Variants in ARHGAP28 observed in about 807,000 individuals in gnomAD.
ARHGAP28 encodes Rho GTPase activating protein 28.
In ARHGAP28, 56 loss-of-function variants were observed where a neutral mutation model predicts 90.7. That is an observed-to-expected ratio of 0.62 (90% CI 0.50 to 0.77). ARHGAP28 has a LOEUF of 0.77. Ranked by LOEUF, ARHGAP28 falls within the 30% of genes least tolerant of loss-of-function variation. The pLI, the probability that ARHGAP28 is intolerant of heterozygous loss-of-function variation, is 0.00. For synonymous variants in ARHGAP28, 308 were observed against 323.3 expected, an observed-to-expected ratio of 0.95 and a Z score of 0.51; for missense variants, 869 against 900.9, an observed-to-expected ratio of 0.96 and a Z score of 0.45.
chr18:6,912,336 G>C lies in ARHGAP28; in HGVS notation c.*182G>C. The C allele has an allele frequency of 2.6e-6, 1 of 382,472 alleles. No individual in the cohort carries two copies. Among genetic ancestry groups the C allele is most frequent in the Non-Finnish European group, 4.7e-6 (1 of 212,372 alleles). The allele number at this position is 382,472 out of a possible 1,614,324, so 23.7% of individuals were successfully genotyped here. A position where few individuals can be genotyped will look rare whatever the true frequency, so the allele number is the denominator to read the frequency against. ...GAGGCGCCGGTTCACCAATTCAACT[G>C]AAGCTTTCTCATGACTTTTTTTTTT... On this transcript the variant is annotated 3_prime_UTR_variant, in exon 18 of 18. Coordinates refer to ENST00000383472, the MANE Select transcript of ARHGAP28 (RefSeq NM_001366230.1).
At chr18:6,732,006 A>G (rs2055886699) in intron 1 of ARHGAP28, among the ~76,000 whole-genome samples, 1 of 151,954 alleles carries the variant, frequency 6.6e-6, no homozygotes, top group Non-Finnish European at 1.5e-5. Context: ...TATCTGCGTT[A>G]TTTTTTAGCT....
rs116307813 is a variant in ARHGAP28, at chr18:6,749,320, C to G, written c.122+19377C>G. On this transcript the variant is annotated intron_variant, in intron 1 of 17. Coordinates refer to ENST00000383472, the MANE Select transcript of ARHGAP28 (RefSeq NM_001366230.1). ...AAGCCAGATATTACTCTCTCTCCTA[C>G]AAATATTCCTTGGTAGTATTGTTTG... Among the ~76,000 whole-genome samples, 884 of 152,264 alleles carry G rather than the reference C, an allele frequency of 5.8e-3. 10 individuals carry two copies. Among genetic ancestry groups the G allele is most frequent in the African/African-American group, 0.02 (849 of 41,566 alleles).
intron 1 of ARHGAP28, among the ~76,000 whole-genome samples, chr18:6,748,965 A>G (rs983647674): frequency 1.3e-5 from 2 of 152,112 alleles, no homozygotes; most frequent in African/African-American, 4.8e-5. Context: ...GGCAAAACAT[A>G]TTTGTTTATG....
chr18:6,741,602 T>C (rs2055977940), intron 1 of ARHGAP28, among the ~76,000 whole-genome samples: 1 of 152,172 alleles, frequency 6.6e-6, no homozygotes, highest in African/African-American at 2.4e-5. Context: ...CTTATCCAGA[T>C]GATAAAAAAA....
At position 6,866,304 on chromosome 18, in the gene ARHGAP28, A is replaced by C. The variant is rs141255730; in HGVS notation, c.727-1846A>C. ...TTGCACTGACTCTCCTGATTAATTT[A>C]TTTCTTATGTTTTTCTAATACCATG... On this transcript the variant is annotated intron_variant, in intron 5 of 17. Coordinates refer to ENST00000383472, the MANE Select transcript of ARHGAP28 (RefSeq NM_001366230.1). Among the ~76,000 whole-genome samples, 569 of 152,004 alleles carry C rather than the reference A, an allele frequency of 3.7e-3. 1 individual carries two copies. Among genetic ancestry groups the C allele is most frequent in the African/African-American group, 0.013 (527 of 41,468 alleles).
intron 6 of ARHGAP28, among the ~76,000 whole-genome samples, chr18:6,868,673 C>G (rs1437003608): frequency 6.6e-6 from 1 of 151,902 alleles, no homozygotes; most frequent in African/African-American, 2.4e-5. Context: ...GAGGTGGGCT[C>G]CCTAGATGGG....
At chr18:6,772,312 T>C (rs1350453821) in intron 1 of ARHGAP28, among the ~76,000 whole-genome samples, 1 of 152,218 alleles carries the variant, frequency 6.6e-6, no homozygotes, top group East Asian at 1.9e-4. Context: ...ATTTATTACA[T>C]TTGTTTCCAG....
intron 9 of ARHGAP28, among the ~76,000 whole-genome samples, chr18:6,875,671 C>T (rs9947920): frequency 0.025 from 3,808 of 152,234 alleles, 150 homozygotes; most frequent in African/African-American, 0.087. Flanking sequence ...TGAGAACTCA[C>T]GAAAGCTATT....
chr18:6,842,936 A>G (rs1567967520), intron 3 of ARHGAP28, among the ~76,000 whole-genome samples: 2 of 152,220 alleles, frequency 1.3e-5, no homozygotes, highest in East Asian at 1.9e-4. Context: ...TGTATGAGTC[A>G]TATTTTTAAG....
At chr18:6,887,130 G>A (rs1222950673) in intron 11 of ARHGAP28, 27 bp from the exon 12 acceptor site, 1 of 1,597,224 alleles carries the variant, frequency 6.3e-7, no homozygotes, top group Non-Finnish European at 8.6e-7. Flanking sequence ...TATTTAAAAT[G>A]TATGACTATT....
At chr18:6,797,979 A>G (rs1374625480) in intron 1 of ARHGAP28, among the ~76,000 whole-genome samples, 1 of 152,126 alleles carries the variant, frequency 6.6e-6, no homozygotes, top group African/African-American at 2.4e-5. Context: ...TTTTTTAAAC[A>G]CATTTTTAAA....
intron 1 of ARHGAP28, 73 bp from the exon 2 acceptor site, chr18:6,824,689 T>G: frequency 7.8e-7 from 1 of 1,288,560 alleles, no homozygotes; most frequent in Non-Finnish European, 1.0e-6. Context: ...TAAACTTAAT[T>G]AAATTTAATT....
rs765395295 is a variant in ARHGAP28 at position 6,798,000 on chromosome 18, TTAAAG to T, written c.123-26761_123-26757del. 5.9e-5 allele frequency among the ~76,000 whole-genome samples: 9 copies of T among 152,178 alleles called. No homozygotes were observed. In the East Asian group the frequency reaches 1.6e-3, roughly 26 times the overall value. The stretch of plus-strand genomic sequence containing the variant: ...AAACACATTTTTAAAAACATTAAGT[TTAAAG>T]GAAAAGCATAAATTTGAAAAGATTT... On this transcript the variant is annotated intron_variant, in intron 1 of 17. Coordinates refer to ENST00000383472, the MANE Select transcript of ARHGAP28 (RefSeq NM_001366230.1).
In ARHGAP28 at chr18:6,892,101, T is replaced by A. The variant is rs597292; in HGVS notation, c.1848+1558T>A. Among the ~76,000 whole-genome samples, 108 of 152,184 alleles carry A rather than the reference T, an allele frequency of 7.1e-4. 2 individuals carry two copies. The highest frequency in any genetic ancestry group is 2.4e-3 in the African/African-American group (98 of 41,428). On this transcript the variant is annotated intron_variant, in intron 14 of 17. Transcript: ENST00000383472. ...ATACTTTTATTTAGAAATGAAATTT[T>A]AAAAAATTTGTTTTAATTGAGAAAA...
intron 14 of ARHGAP28, among the ~76,000 whole-genome samples, chr18:6,893,023 C>T (rs1336078681): frequency 1.3e-5 from 2 of 152,170 alleles, no homozygotes; most frequent in African/African-American, 2.4e-5. Context: ...CTTTATTTTC[C>T]AAAGCATCTC....
chr18:6,909,069 T>C, intron 17 of ARHGAP28, 45 bp downstream of exon 17: 1 of 1,080,636 alleles, frequency 9.3e-7, no homozygotes, highest in South Asian at 1.4e-5. Context: ...CTCTGATTAC[T>C]CTAAAAGAAA....
intron 3 of ARHGAP28, among the ~76,000 whole-genome samples, chr18:6,837,616 A>T (rs939141094): frequency 6.6e-6 from 1 of 152,186 alleles, no homozygotes; most frequent in Non-Finnish European, 1.5e-5. Context: ...CTGTACTGCA[A>T]TCTCCCTCAA....
rs2057106139 is a variant in ARHGAP28, at chr18:6,873,531, A to G, written c.1077A>G (p.Gly359=). 2.5e-6 allele frequency: 4 copies of G among 1,613,886 alleles called. No individual in the cohort carries two copies. Among genetic ancestry groups the G allele is most frequent in the Non-Finnish European group, 3.4e-6 (4 of 1,180,002 alleles). The change falls in exon 8 of 18, where the codon GGA becomes GGG. Residue 359 remains glycine, a synonymous_variant. Transcript: ENST00000383472. ...TGACTGCCTTTTTTGATGCCTTTGGAATTCAACTGAAAAGGAACAAAACAG... is the reference window on the plus strand; with the variant it reads ...TGACTGCCTTTTTTGATGCCTTTGGGATTCAACTGAAAAGGAACAAAACAG... The part of the protein sequence containing the change: ...IELTAFFDAF[G]IQLKRNKTEK...
At chr18:6,813,104 T>G (rs1256245477) in intron 1 of ARHGAP28, among the ~76,000 whole-genome samples, 1 of 152,228 alleles carries the variant, frequency 6.6e-6, no homozygotes, top group Non-Finnish European at 1.5e-5. Context: ...ATATTTTAAC[T>G]TGGCTATGAT....
Sources: allele counts gnomAD v4.1 joint callset (sites outside exome capture counted in the v4.1 genomes callset), GRCh38; gene constraint gnomAD v4.1.1; transcripts MANE v1.5; gene names NCBI Gene and HGNC (gene_info 2026-07-23, HGNC 2026-07-21).